The following WASF2 variants were observed in gnomAD, a reference collection of about 807,000 sequenced individuals.
WASF2 encodes the protein actin-binding protein WASF2.
A neutral mutation model predicts 45.0 loss-of-function variants in WASF2; 14 were observed. The ratio of observed to expected loss-of-function variants is 0.31; its 90% CI spans 0.21 to 0.49. The LOEUF (loss-of-function observed/expected upper bound fraction) is 0.49. Ranked by LOEUF, WASF2 falls within the 20% of genes least tolerant of loss-of-function variation. WASF2 has a pLI of 0.99. For synonymous variants in WASF2, 200 were observed against 236.3 expected, an observed-to-expected ratio of 0.85 and a Z score of 1.41; for missense variants, 439 against 636.1, an observed-to-expected ratio of 0.69 and a Z score of 3.33.
rs373151210 is a variant in WASF2, at chr1:27,485,163, T to C, written c.-44+4823A>G. On this transcript the variant is annotated intron_variant, in intron 1 of 8. Transcript: ENST00000618852. ...GAAACTTGGTCTCAAAAAAAAAAAATTGGCAAACATGAATCTACAGATCTG... is the reference window on the plus strand; with the variant it reads ...GAAACTTGGTCTCAAAAAAAAAAAACTGGCAAACATGAATCTACAGATCTG... Among the ~76,000 whole-genome samples, 159 of 151,772 alleles carry C rather than the reference T, an allele frequency of 1.0e-3. 5 individuals carry two copies. The South Asian group carries it at 0.032, about 30-fold the overall frequency.
In WASF2 at chr1:27,431,336, G is replaced by C. The variant is rs1233150833; in HGVS notation, c.-43-2403C>G. Among the ~76,000 whole-genome samples the C allele has an allele frequency of 3.9e-5, 6 of 152,244 alleles. No homozygotes were observed. In the South Asian group the frequency reaches 1.2e-3, roughly 32 times the overall value. ...TTTCCCTCTTTTATTTAATGTAAAG[G>C]GTATCAGGTACTAAGATGCAATCTT... On this transcript the variant is annotated intron_variant, in intron 1 of 8. Coordinates refer to ENST00000618852, the MANE Select transcript of WASF2 (RefSeq NM_006990.5).
intron 1 of WASF2, among the ~76,000 whole-genome samples, chr1:27,483,589 G>C (rs1478236368): frequency 6.6e-6 from 1 of 152,050 alleles, no homozygotes; most frequent in Non-Finnish European, 1.5e-5. Context: ...ACAGTGAGCC[G>C]AGATCACGCC....
intron 1 of WASF2, among the ~76,000 whole-genome samples, chr1:27,473,574 T>C (rs2017723780): frequency 6.6e-6 from 1 of 151,850 alleles, no homozygotes; most frequent in Non-Finnish European, 1.5e-5. Flanking sequence ...CTCACTTAAC[T>C]CATCAATAGA....
At chr1:27,421,989 G>T (rs2016913978) in intron 2 of WASF2, among the ~76,000 whole-genome samples, 1 of 147,450 alleles carries the variant, frequency 6.8e-6, no homozygotes, top group Non-Finnish European at 1.5e-5. Flanking sequence ...TGAAATAAAA[G>T]AAAAGAAAAA....
At chr1:27,425,642 T>G (rs905132233) in intron 2 of WASF2, among the ~76,000 whole-genome samples, 2 of 151,996 alleles carry the variant, frequency 1.3e-5, no homozygotes, top group Non-Finnish European at 2.9e-5. Flanking sequence ...ATTAAGACCA[T>G]CCTGGCTAAC....
At chr1:27,419,946 C>T (rs575098643) in intron 2 of WASF2, among the ~76,000 whole-genome samples, 44 of 152,044 alleles carry the variant, frequency 2.9e-4, no homozygotes, top group Non-Finnish European at 5.1e-4. Flanking sequence ...CCTCTGTCAC[C>T]CAGGCTGCAG....
intron 1 of WASF2, chr1:27,457,372 T>TC (rs1316007904): frequency 6.6e-6 from 1 of 151,846 alleles, no homozygotes; most frequent in Non-Finnish European, 1.5e-5. Context: ...GCTCAGGAGT[T>TC]CAAGACCAGC....
At chr1:27,466,745 T>G (rs930647716) in intron 1 of WASF2, among the ~76,000 whole-genome samples, 3 of 151,962 alleles carry the variant, frequency 2.0e-5, no homozygotes, top group Admixed American at 1.3e-4. Context: ...TGCATGCCTG[T>G]AGTCCTAGCT....
chr1:27,451,766 T>C (rs748515870), intron 1 of WASF2, among the ~76,000 whole-genome samples: 1 of 152,208 alleles, frequency 6.6e-6, no homozygotes, highest in Non-Finnish European at 1.5e-5. Context: ...TACACTTTCT[T>C]CCTTGAACAA....
intron 1 of WASF2, among the ~76,000 whole-genome samples, chr1:27,462,668 T>A (rs557548782): frequency 1.3e-5 from 2 of 152,180 alleles, no homozygotes; most frequent in Admixed American, 1.3e-4. Flanking sequence ...GAATCTTGGG[T>A]AGATTTCTTA....
rs754637646 is a variant in WASF2 at position 27,418,251 on chromosome 1, G to T, written c.419+18C>A. ...TTAAACCATAGGTTGAAAAAGGGAG[G>T]AACTAGCCAGCCATTACCTGTAAGG... is the stretch of plus-strand genomic sequence containing the variant. On this transcript the variant is annotated intron_variant, in intron 4 of 8. Coordinates refer to ENST00000618852, the MANE Select transcript of WASF2 (RefSeq NM_006990.5). 1 of 1,606,930 alleles carries T rather than the reference G, an allele frequency of 6.2e-7. No homozygotes were observed. The highest frequency in any genetic ancestry group is 1.3e-5 in the African/African-American group (1 of 74,404).
intron 1 of WASF2, among the ~76,000 whole-genome samples, chr1:27,463,896 G>C (rs1378651346): frequency 1.3e-5 from 2 of 149,706 alleles, no homozygotes; most frequent in African/African-American, 2.5e-5. Context: ...TCAGCCTCCC[G>C]AGTTAGCTGG....
chr1:27,431,630 T>C (rs1444500940), intron 1 of WASF2, among the ~76,000 whole-genome samples: 1 of 152,178 alleles, frequency 6.6e-6, no homozygotes, highest in Non-Finnish European at 1.5e-5. Context: ...GTGCTGAATG[T>C]GACCAATGAC....
intron 1 of WASF2, among the ~76,000 whole-genome samples, chr1:27,480,123 T>C (rs1453895074): frequency 6.6e-6 from 1 of 152,198 alleles, no homozygotes; most frequent in Non-Finnish European, 1.5e-5. Flanking sequence ...TAGTTCCCAA[T>C]TGTGAATGAA....
chr1:27,439,960 C>T (rs1276543549), intron 1 of WASF2, among the ~76,000 whole-genome samples: 3 of 152,102 alleles, frequency 2.0e-5, no homozygotes, highest in South Asian at 4.1e-4. Context: ...AGATCCATGC[C>T]ACTGCCCTCC....
intron 1 of WASF2, among the ~76,000 whole-genome samples, chr1:27,489,763 C>G (rs1557627961): frequency 6.6e-6 from 1 of 152,222 alleles, no homozygotes; most frequent in Non-Finnish European, 1.5e-5. Context: ...GACTTGTGGA[C>G]CCCTCCAAGT....
In WASF2 at chr1:27,408,052, G is replaced by T. The variant is rs2016703842; in HGVS notation, c.*137C>A. 4 of 1,025,208 alleles carry T rather than the reference G, an allele frequency of 3.9e-6. No homozygotes were observed. The highest frequency in any genetic ancestry group is 4.3e-4 in the Middle Eastern group (2 of 4,672). The allele number at this position is 1,025,208 out of a possible 1,614,324, so 63.5% of individuals were successfully genotyped here. A position where few individuals can be genotyped will look rare whatever the true frequency, so the allele number is the denominator to read the frequency against. On this transcript the variant is annotated 3_prime_UTR_variant, in exon 9 of 9. Coordinates refer to ENST00000618852, the MANE Select transcript of WASF2 (RefSeq NM_006990.5). ...GAGGAAGCACTTGGATATATCTTTG[G>T]TTGCTTCAGGGAAAGCTTTGGCCCC...
intron 1 of WASF2, among the ~76,000 whole-genome samples, chr1:27,451,469 G>A (rs1201317233): frequency 6.6e-6 from 1 of 152,212 alleles, no homozygotes; most frequent in Non-Finnish European, 1.5e-5. Flanking sequence ...TAATAAGGCA[G>A]ACAAAAGCTG....
rs1173795928 is a variant in WASF2 at position 27,412,740 on chromosome 1, C to T, written c.669-13G>A. On this transcript the variant is annotated splice_polypyrimidine_tract_variant and intron_variant, in intron 6 of 8. Coordinates refer to ENST00000618852, the MANE Select transcript of WASF2 (RefSeq NM_006990.5). Reference sequence around the variant, plus strand: ...AGTGGGTGGATACCTGACAATGAACCGAATGCCAAAAACTGTCATTTAAAG... The same window carrying T: ...AGTGGGTGGATACCTGACAATGAACTGAATGCCAAAAACTGTCATTTAAAG... The T allele has an allele frequency of 1.9e-6, 3 of 1,613,914 alleles. No homozygotes were observed. Among genetic ancestry groups the T allele is most frequent in the Non-Finnish European group, 2.5e-6 (3 of 1,179,850 alleles).
Sources: allele counts gnomAD v4.1 joint callset (sites outside exome capture counted in the v4.1 genomes callset), GRCh38; gene constraint gnomAD v4.1.1; transcripts MANE v1.5; gene names NCBI Gene and HGNC (gene_info 2026-07-23, HGNC 2026-07-21).